The following KIF15 variants were observed in gnomAD, a reference collection of about 807,000 sequenced individuals.
KIF15 encodes kinesin family member 15, also known as kinesin-like protein KIF15.
In KIF15, 140 loss-of-function variants were observed where a neutral mutation model predicts 190.6. The observed-to-expected ratio is 0.73, with a 90% CI of 0.64 to 0.84. KIF15 has a LOEUF of 0.84. Among genes scored for constraint, KIF15 ranks in the 40% least tolerant of loss-of-function variants. KIF15 has a pLI of 0.00. For synonymous variants in KIF15, 528 were observed against 551.3 expected, an observed-to-expected ratio of 0.96 and a Z score of 0.59; for missense variants, 1,372 against 1,584.4, an observed-to-expected ratio of 0.87 and a Z score of 2.28.
intron 31 of KIF15, 51 bp from the exon 32 acceptor site, chr3:44,848,470 A>C: frequency 1.2e-6 from 1 of 821,598 alleles, no homozygotes; most frequent in South Asian, 1.6e-5. Context: ...AAGCAATGTT[A>C]TTTAAGAACC....
intron 32 of KIF15, among the ~76,000 whole-genome samples, chr3:44,849,482 A>AT (rs1040363164): frequency 7.9e-5 from 12 of 152,162 alleles, no homozygotes; most frequent in African/African-American, 1.7e-4. Context: ...TTTTAAATAA[A>AT]TTTTTTTAAA....
At chr3:44,799,247 C>T (rs1707139384) in intron 10 of KIF15, 1 of 456,540 alleles carries the variant, frequency 2.2e-6, no homozygotes, top group Non-Finnish European at 4.4e-6. Flanking sequence ...CTGCTTAACA[C>T]ACAAAAGAAC....
chr3:44,789,837 A>G (rs542681006), intron 7 of KIF15, among the ~76,000 whole-genome samples: 3 of 151,862 alleles, frequency 2.0e-5, no homozygotes, highest in East Asian at 3.9e-4. Context: ...TTAAGTTCCT[A>G]CTGCATATTT....
chr3:44,865,475 G>C lies in KIF15; in HGVS notation c.*60-7854G>C, dbSNP rs1699311328. On this transcript the variant is annotated intron_variant and NMD_transcript_variant, in intron 6 of 6. Coordinates refer to the KIF15 transcript ENST00000422209. ...CCTGGGGTTGGTCTGCTTTGTGTAT[G>C]GTACTTGAAACCACGCTGTAATTAT... The C allele has an allele frequency of 7.8e-6, 3 of 382,764 alleles. No homozygotes were observed. The Admixed American group carries it at 1.1e-4, about 14-fold the overall frequency. 23.7% of individuals were successfully genotyped at this position (382,764 alleles called of 1,614,324 possible).
At chr3:44,840,553 G>T in intron 28 of KIF15, 97 bp downstream of exon 28, 1 of 700,516 alleles carries the variant, frequency 1.4e-6, no homozygotes, top group Non-Finnish European at 2.3e-6. Flanking sequence ...TCTTTTTAAA[G>T]AAAAAGATTT....
chr3:44,866,375 T>G (rs1043400590), intron 6 of KIF15, among the ~76,000 whole-genome samples: 5 of 152,166 alleles, frequency 3.3e-5, no homozygotes, highest in Non-Finnish European at 7.4e-5. Flanking sequence ...CCTGGCCCCC[T>G]TGTTCTTTTT....
rs747617637 is a variant in KIF15 at position 44,811,017 on chromosome 3, A to G, written c.2143A>G (p.Ile715Val). The change falls in exon 17 of 35, where the codon ATT becomes GTT. Residue 715 changes from isoleucine to valine, a missense_variant. Ile to Val is a conservative substitution (Grantham distance 29). Coordinates refer to ENST00000326047, the MANE Select transcript of KIF15 (RefSeq NM_020242.3). The part of the protein sequence containing the change: ...PEMNEQAFEA[I>V]SEELRTVQEQ... Reference sequence around the variant, plus strand: ...GATGAATGAACAAGCTTTTGAGGCCATTTCTGAAGAGCTTAGAACAGTGCA... The same window carrying G: ...GATGAATGAACAAGCTTTTGAGGCCGTTTCTGAAGAGCTTAGAACAGTGCA... 2 of 1,613,416 alleles carry G rather than the reference A, an allele frequency of 1.2e-6. No homozygotes were observed. Among genetic ancestry groups the G allele is most frequent in the Non-Finnish European group, 8.5e-7 (1 of 1,179,722 alleles).
chr3:44,839,902 C>T (rs577521866), intron 27 of KIF15, among the ~76,000 whole-genome samples: 1 of 152,262 alleles, frequency 6.6e-6, no homozygotes, highest in Admixed American at 6.5e-5. Context: ...ATATATATAG[C>T]ACATTTTCTT....
intron 6 of KIF15, chr3:44,862,090 T>G: frequency 9.2e-7 from 1 of 1,082,456 alleles, no homozygotes; most frequent in African/African-American, 1.7e-5. Context: ...GGCCGCCGCC[T>G]CCGCCAAGCT....
chr3:44,852,116 C>G, intron 33 of KIF15, 92 bp from the exon 34 acceptor site: 1 of 1,487,718 alleles, frequency 6.7e-7, no homozygotes, highest in Admixed American at 2.1e-5. Flanking sequence ...TCTCTGACTT[C>G]CTGTGCTCCT....
At chr3:44,804,814 A>G (rs1707418128) in intron 14 of KIF15, among the ~76,000 whole-genome samples, 1 of 152,136 alleles carries the variant, frequency 6.6e-6, no homozygotes, top group African/African-American at 2.4e-5. Flanking sequence ...CTTGTCAAAC[A>G]CTGAAGTTGT....
chr3:44,824,055 A>G (rs1697516556), intron 20 of KIF15, among the ~76,000 whole-genome samples: 2 of 152,218 alleles, frequency 1.3e-5, no homozygotes, highest in South Asian at 4.2e-4. Flanking sequence ...TGAACCAGGT[A>G]CCTCAGTTGG....
At chr3:44,821,310 C>T (rs1264976495) in intron 20 of KIF15, among the ~76,000 whole-genome samples, 3 of 151,120 alleles carry the variant, frequency 2.0e-5, no homozygotes, top group South Asian at 2.1e-4. Flanking sequence ...GTGGGTGACC[C>T]CCACCTCCTT....
rs1485350524 is a variant in KIF15, at chr3:44,829,481, G to GCA, written c.2944-490_2944-489insCA. On this transcript the variant is annotated intron_variant, in intron 24 of 34. Transcript: ENST00000326047. ...TATAATATATATGTATATAATATGTGTATATAATATATGCATATATAATAT... is the reference window on the plus strand; with the variant it reads ...TATAATATATATGTATATAATATGTGCATATATAATATATGCATATATAATAT... Among the ~76,000 whole-genome samples the GCA allele has an allele frequency of 1.2e-4, 12 of 97,134 alleles. No individual in the cohort carries two copies. In the South Asian group the frequency reaches 2.1e-3, roughly 17 times the overall value. The allele number at this position is 97,134 out of a possible 152,430, so 63.7% of individuals were successfully genotyped here. A position where few individuals can be genotyped will look rare whatever the true frequency, so the allele number is the denominator to read the frequency against.
intron 24 of KIF15, among the ~76,000 whole-genome samples, chr3:44,829,658 T>TTATA (rs1697941045): frequency 6.2e-5 from 7 of 113,556 alleles, no homozygotes; most frequent in African/African-American, 2.1e-4. Context: ...TATGTATATA[T>TTATA]TATGTATATA....
rs1707957539 is a variant in KIF15, at chr3:44,814,934, C to G, written c.2407C>G (p.Leu803Val). 1 of 1,606,772 alleles carries G rather than the reference C, an allele frequency of 6.2e-7. No homozygotes were observed. The highest frequency in any genetic ancestry group is 8.5e-7 in the Non-Finnish European group (1 of 1,177,822). The change falls in exon 20 of 35, where the codon CTG becomes GTG. Residue 803 changes from leucine to valine, a missense_variant. Leu to Val is a conservative substitution (Grantham distance 32). Transcript: ENST00000326047. ...AGTTTTGAAAAGTGAGGTACATGAC[C>G]TGCGAGTAGTCCTTCATTCTGCTGA... ...NDFLKSEVHDLRVVLHSADKE... is the reference protein window; with the variant it reads ...NDFLKSEVHDVRVVLHSADKE...
At chr3:44,800,860 A>G (rs1369803235) in intron 11 of KIF15, among the ~76,000 whole-genome samples, 1 of 152,064 alleles carries the variant, frequency 6.6e-6, no homozygotes, top group East Asian at 1.9e-4. Flanking sequence ...GGACTCCTCT[A>G]ATTTTTTAAA....
chr3:44,843,307 T>C, intron 30 of KIF15, 73 bp downstream of exon 30: 1 of 990,048 alleles, frequency 1.0e-6, no homozygotes, highest in East Asian at 2.4e-5. Context: ...AGGTTGGAAT[T>C]GGTTTCACAG....
intron 32 of KIF15, among the ~76,000 whole-genome samples, chr3:44,850,749 A>C (rs1018486783): frequency 5.3e-5 from 8 of 152,226 alleles, no homozygotes; most frequent in Non-Finnish European, 1.0e-4. Flanking sequence ...ATGTAGTCCA[A>C]AAACAACTTG....
Sources: allele counts gnomAD v4.1 joint callset (sites outside exome capture counted in the v4.1 genomes callset), GRCh38; gene constraint gnomAD v4.1.1; transcripts MANE v1.5; gene names NCBI Gene and HGNC (gene_info 2026-07-23, HGNC 2026-07-21).